MAP2K1: variants seen among roughly 807,000 people sequenced by gnomAD.
The protein encoded by MAP2K1 is mitogen-activated protein kinase kinase 1, also known as dual specificity mitogen-activated protein kinase kinase 1.
A neutral mutation model predicts 46.3 loss-of-function variants in MAP2K1; 16 were observed. The ratio of observed to expected loss-of-function variants is 0.35; its 90% CI spans 0.23 to 0.52. The LOEUF (loss-of-function observed/expected upper bound fraction) is 0.52. Ranked by LOEUF, MAP2K1 falls within the 20% of genes least tolerant of loss-of-function variation. The pLI is 0.94. For missense variants in MAP2K1, 263 were observed against 497.1 expected (o/e 0.53, Z 4.48); for synonymous variants, 183 against 185.6 (o/e 0.99, Z 0.11).
At position 66,387,241 on chromosome 15, in the gene MAP2K1, C is replaced by A; in HGVS notation, c.-107C>A. On this transcript the variant is annotated 5_prime_UTR_variant, in exon 1 of 11. Coordinates refer to ENST00000307102, the MANE Select transcript of MAP2K1 (RefSeq NM_002755.4). ...ACCCGCTGAAGGCAGCCCCGGGGCC[C>A]GCGGCCCGGACTTGGTCCTGCGCAG... 1.1e-6 allele frequency: 1 copy of A among 936,038 alleles called. No homozygotes were observed. Among genetic ancestry groups the A allele is most frequent in the Non-Finnish European group, 1.6e-6 (1 of 630,042 alleles). The allele number at this position is 936,038 out of a possible 1,614,324, so 58.0% of individuals were successfully genotyped here. A position where few individuals can be genotyped will look rare whatever the true frequency, so the allele number is the denominator to read the frequency against.
Position 66,401,929 on chromosome 15 carries a change from A to T in MAP2K1, c.80+14502A>T, listed in dbSNP as rs891148905. On this transcript the variant is annotated intron_variant, in intron 1 of 10. Transcript: ENST00000307102. Reference sequence around the variant, plus strand: ...TGACGGGTGCATCGGTTCGGGTCGAAGGAAATGAAGCTGGAGAGGTAGGCT... The same window carrying T: ...TGACGGGTGCATCGGTTCGGGTCGATGGAAATGAAGCTGGAGAGGTAGGCT... 6 of 1,315,878 alleles carry T rather than the reference A, an allele frequency of 4.6e-6. No homozygotes were observed. The African/African-American group carries it at 5.9e-5, about 13-fold the overall frequency. 81.5% of individuals were successfully genotyped at this position (1,315,878 alleles called of 1,614,324 possible).
At chr15:66,420,745 G>GTA (rs2093436655) in intron 1 of MAP2K1, among the ~76,000 whole-genome samples, 1 of 36,186 alleles carries the variant, frequency 2.8e-5, no homozygotes. Context: ...GTGTGTGTGT[G>GTA]TGTGTGTGTG....
intron 1 of MAP2K1, among the ~76,000 whole-genome samples, chr15:66,397,149 C>T (rs542953720): frequency 3.3e-5 from 5 of 151,918 alleles, no homozygotes; most frequent in South Asian, 2.1e-4. Context: ...GGACTACAGG[C>T]GCCTGCCACC....
Position 66,404,222 on chromosome 15 carries a change from G to A in MAP2K1, c.80+16795G>A, listed in dbSNP as rs532740934. Reference sequence around the variant, plus strand: ...CCAGTAGATAGTCAGGCATGGTGGCGTGTGTCTGTAGTCCCAGCCACTCGG... The same window carrying A: ...CCAGTAGATAGTCAGGCATGGTGGCATGTGTCTGTAGTCCCAGCCACTCGG... On this transcript the variant is annotated intron_variant, in intron 1 of 10. Coordinates refer to ENST00000307102, the MANE Select transcript of MAP2K1 (RefSeq NM_002755.4). Among the ~76,000 whole-genome samples, 17 of 152,328 alleles carry A rather than the reference G, an allele frequency of 1.1e-4. No homozygotes were observed. The East Asian group carries it at 3.3e-3, about 29-fold the overall frequency.
chr15:66,399,212 G>A (rs980011136), intron 1 of MAP2K1, among the ~76,000 whole-genome samples: 17 of 152,134 alleles, frequency 1.1e-4, no homozygotes, highest in African/African-American at 3.9e-4. Context: ...CAAATGGAAC[G>A]GAATGTTCAC....
At chr15:66,433,002 T>TGTGTG in intron 1 of MAP2K1, among the ~76,000 whole-genome samples, 2 of 21,302 alleles carry the variant, frequency 9.4e-5, no homozygotes. Context: ...GTGTGTGTGT[T>TGTGTG]GACAGCTTTT....
At chr15:66,428,282 G>A (rs1334156023) in intron 1 of MAP2K1, among the ~76,000 whole-genome samples, 10 of 53,038 alleles carry the variant, frequency 1.9e-4, no homozygotes, top group African/African-American at 7.0e-4. Context: ...GTGTGTGTGT[G>A]TGTGTGTGTG....
rs533531549 is a variant in MAP2K1, at chr15:66,448,872, C to T, written c.568+4165C>T. On this transcript the variant is annotated intron_variant, in intron 5 of 10. Coordinates refer to ENST00000307102, the MANE Select transcript of MAP2K1 (RefSeq NM_002755.4). The stretch of plus-strand genomic sequence containing the variant: ...ATAAAAAATTAGCTGGGCGTGGTGG[C>T]GGATGCCTATAATCCCAGCTACTAG... Among the ~76,000 whole-genome samples, 5 of 151,958 alleles carry T rather than the reference C, an allele frequency of 3.3e-5. No individual in the cohort carries two copies. In the East Asian group the frequency reaches 5.8e-4, roughly 18 times the overall value.
intron 5 of MAP2K1, among the ~76,000 whole-genome samples, chr15:66,459,354 T>A (rs1052508785): frequency 6.7e-6 from 1 of 150,266 alleles, no homozygotes; most frequent in East Asian, 2.0e-4. Flanking sequence ...CAGTGGCTCA[T>A]GCCTATAATC....
chr15:66,391,380 C>T (rs1288251398), intron 1 of MAP2K1, among the ~76,000 whole-genome samples: 1 of 152,232 alleles, frequency 6.6e-6, no homozygotes, highest in Admixed American at 6.5e-5. Flanking sequence ...GCTCCGCCTC[C>T]CAGGTTCATG....
At chr15:66,440,921 A>G (rs953475801) in intron 3 of MAP2K1, among the ~76,000 whole-genome samples, 1 of 152,004 alleles carries the variant, frequency 6.6e-6, no homozygotes, top group African/African-American at 2.4e-5. Flanking sequence ...AGCTCTGTGG[A>G]GGTTAAAGGG....
At chr15:66,479,427 A>G (rs539581579) in intron 5 of MAP2K1, among the ~76,000 whole-genome samples, 1 of 152,272 alleles carries the variant, frequency 6.6e-6, no homozygotes, top group East Asian at 1.9e-4. Context: ...TTCATCATGA[A>G]GGGGAGGAAC....
At chr15:66,392,646 C>G (rs991464490) in intron 1 of MAP2K1, among the ~76,000 whole-genome samples, 1 of 151,780 alleles carries the variant, frequency 6.6e-6, no homozygotes, top group Admixed American at 6.6e-5. Context: ...CTCCGCCCCC[C>G]AGGTTCAAGC....
chr15:66,464,236 A>G (rs1892404645), intron 5 of MAP2K1, among the ~76,000 whole-genome samples: 1 of 152,190 alleles, frequency 6.6e-6, no homozygotes, highest in Non-Finnish European at 1.5e-5. Context: ...TTACTAGGAA[A>G]GCTCATTTTT....
chr15:66,424,355 G>T (rs1342782347), intron 1 of MAP2K1, among the ~76,000 whole-genome samples: 2 of 152,208 alleles, frequency 1.3e-5, no homozygotes, highest in Non-Finnish European at 2.9e-5. Context: ...ACCGTGTCCA[G>T]CCCGTGTCTT....
At chr15:66,460,479 A>G (rs1892289113) in intron 5 of MAP2K1, among the ~76,000 whole-genome samples, 1 of 152,198 alleles carries the variant, frequency 6.6e-6, no homozygotes, top group African/African-American at 2.4e-5. Context: ...AAACACAGAC[A>G]TGTTTTTACA....
At chr15:66,431,614 C>A (rs2093475217) in intron 1 of MAP2K1, among the ~76,000 whole-genome samples, 1 of 152,184 alleles carries the variant, frequency 6.6e-6, no homozygotes, top group Admixed American at 6.5e-5. Flanking sequence ...CCATTAGTTT[C>A]TATTTTGACC....
intron 1 of MAP2K1, among the ~76,000 whole-genome samples, chr15:66,392,254 G>GTTTTTTTTTTTTTTTTTTTTTTTTTTT (rs374203054): frequency 1.3e-5 from 1 of 79,666 alleles, no homozygotes; most frequent in African/African-American, 4.7e-5. Flanking sequence ...GTTTTTTTTG[G>GTTTTTTTTTTTTTTTTTTTTTTTTTTT]GTTTTTTTTT....
intron 5 of MAP2K1, among the ~76,000 whole-genome samples, chr15:66,469,472 C>CTTTTTTTTTTTTT (rs370379739): frequency 4.0e-4 from 31 of 76,640 alleles, no homozygotes; most frequent in African/African-American, 1.6e-3. Context: ...CTGGTGCCTC[C>CTTTTTTTTTTTTT]TTTTTTTTTT....
Sources: gnomAD v4.1 joint callset for allele counts (sites outside exome capture counted in the v4.1 genomes callset) on GRCh38, gnomAD v4.1.1 for gene constraint, MANE v1.5 for transcripts, NCBI Gene and HGNC (gene_info 2026-07-23, HGNC 2026-07-21) for gene names.